Variants in RPS6KA2 observed in about 807,000 individuals in gnomAD.
The protein encoded by RPS6KA2 is ribosomal protein S6 kinase alpha-2.
A neutral mutation model predicts 91.8 loss-of-function variants in RPS6KA2; 42 were observed. That is an observed-to-expected ratio of 0.46 (90% confidence interval 0.36 to 0.59). The LOEUF (loss-of-function observed/expected upper bound fraction) is 0.59. RPS6KA2 is among the 20% of genes least tolerant of loss of function. RPS6KA2 has a pLI of 0.00. For missense variants in RPS6KA2, 798 were observed against 978.5 expected, an observed-to-expected ratio of 0.82 and a Z score of 2.46; for synonymous variants, 414 against 393.6, an observed-to-expected ratio of 1.05 and a Z score of -0.61.
intron 2 of RPS6KA2, among the ~76,000 whole-genome samples, chr6:166,714,439 G>A (rs539123931): frequency 2.7e-4 from 41 of 152,316 alleles, no homozygotes; most frequent in African/African-American, 6.3e-4. Context: ...AAAAAGATGC[G>A]TTGATGTCCT....
At position 166,437,798 on chromosome 6, in the gene RPS6KA2, G is replaced by A. The variant is rs760441429; in HGVS notation, c.1333-5308C>T. Among the ~76,000 whole-genome samples the A allele has an allele frequency of 1.1e-4, 17 of 151,978 alleles. No individual in the cohort carries two copies. The highest frequency in any genetic ancestry group is 2.6e-4 in the Admixed American group (4 of 15,264). ...GCCGAAGGCGACAACAGGAGACTTC[G>A]CTGCTCTTGATAACACCTTTCCTCC... On this transcript the variant is annotated intron_variant, in intron 14 of 20. Coordinates refer to ENST00000265678, the MANE Select transcript of RPS6KA2 (RefSeq NM_021135.6). The surrounding 1 kb of genome is among the most constrained non-coding windows in gnomAD (Gnocchi z 4.3).
intron 2 of RPS6KA2, among the ~76,000 whole-genome samples, chr6:166,762,321 G>A (rs935013002): frequency 2.0e-5 from 3 of 152,106 alleles, no homozygotes; most frequent in Admixed American, 6.5e-5. Flanking sequence ...CCTTAGCACC[G>A]TTCAAAGCAA....
At chr6:166,744,753 G>A (rs926869026) in intron 2 of RPS6KA2, among the ~76,000 whole-genome samples, 7 of 152,226 alleles carry the variant, frequency 4.6e-5, no homozygotes, top group Middle Eastern at 3.4e-3. Flanking sequence ...GATTTAAAGC[G>A]GCACTCCACG....
chr6:166,412,891 C>A lies in RPS6KA2; in HGVS notation c.2077-4G>T. 1 of 1,550,620 alleles carries A rather than the reference C, an allele frequency of 6.4e-7. No homozygotes were observed. The highest frequency in any genetic ancestry group is 8.7e-7 in the Non-Finnish European group (1 of 1,146,526). On this transcript the variant is annotated splice_region_variant and splice_polypyrimidine_tract_variant and intron_variant, in intron 20 of 20. Coordinates refer to ENST00000265678, the MANE Select transcript of RPS6KA2 (RefSeq NM_021135.6). This position sits in a 1 kb window ranked among gnomAD's most constrained non-coding sequence, Gnocchi z 4.3. ...AGTAGGTGGCGGCCATCGCGCCCTG[C>A]AAAACAGAAGACAAGGGTGAGAGCC...
intron 1 of RPS6KA2, among the ~76,000 whole-genome samples, chr6:166,564,317 C>T (rs749804716): frequency 2.0e-5 from 3 of 152,188 alleles, no homozygotes; most frequent in Non-Finnish European, 2.9e-5. Context: ...CCTCGGCCCA[C>T]CTGTTTCCAG....
At chr6:166,781,003 ACTC>A (rs1778754543) in intron 2 of RPS6KA2, among the ~76,000 whole-genome samples, 2 of 152,096 alleles carry the variant, frequency 1.3e-5, no homozygotes, top group Non-Finnish European at 2.9e-5. Flanking sequence ...TATTTTACTG[ACTC>A]CTACTAGAAG....
intron 1 of RPS6KA2, among the ~76,000 whole-genome samples, chr6:166,616,570 G>A (rs569968416): frequency 3.9e-5 from 6 of 152,346 alleles, no homozygotes; most frequent in Non-Finnish European, 2.9e-5. Flanking sequence ...AGGCTCAAGA[G>A]AGGGAGATGA....
intron 3 of RPS6KA2, among the ~76,000 whole-genome samples, chr6:166,530,860 G>A (rs933758021): frequency 6.6e-5 from 10 of 152,232 alleles, no homozygotes; most frequent in East Asian, 1.9e-4. Flanking sequence ...CATGAGTCAC[G>A]TTGTATTTAA....
intron 12 of RPS6KA2, among the ~76,000 whole-genome samples, chr6:166,451,917 G>A (rs1401436328): frequency 1.3e-5 from 2 of 151,980 alleles, no homozygotes; most frequent in Non-Finnish European, 2.9e-5. Context: ...ATCCCTCGTG[G>A]GGAAAAAAAA....
chr6:166,663,373 C>G (rs1788215856), intron 2 of RPS6KA2, among the ~76,000 whole-genome samples: 1 of 152,142 alleles, frequency 6.6e-6, no homozygotes, highest in East Asian at 1.9e-4. Flanking sequence ...TCTCATAGTG[C>G]TCTGCAGCCC....
intron 1 of RPS6KA2, among the ~76,000 whole-genome samples, chr6:166,623,935 C>T (rs114447423): frequency 1.7e-3 from 263 of 152,230 alleles, no homozygotes; most frequent in African/African-American, 6.1e-3. Flanking sequence ...ATTAAGTAAC[C>T]TGACTTCTCT....
intron 2 of RPS6KA2, among the ~76,000 whole-genome samples, chr6:166,824,817 G>GTCTA (rs1562458634): frequency 4.5e-5 from 6 of 133,588 alleles, no homozygotes; most frequent in East Asian, 2.3e-4. Flanking sequence ...ATGTGTGTCT[G>GTCTA]TGTGTGTCTG....
Position 166,812,072 on chromosome 6 carries a change from G to T in RPS6KA2, c.123+46128C>A, listed in dbSNP as rs115864865. ...GGAAAACGAGTGGATGAAAGCAAGC[G>T]GGTCGGTTGTGGTGGCTCAAGCCTG... On this transcript the variant is annotated intron_variant, in intron 2 of 21. Coordinates refer to the RPS6KA2 transcript ENST00000503859. 2.6e-3 allele frequency among the ~76,000 whole-genome samples: 395 copies of T among 152,268 alleles called. 4 individuals carry two copies. Among genetic ancestry groups the T allele is most frequent in the African/African-American group, 9.2e-3 (383 of 41,558 alleles).
intron 2 of RPS6KA2, among the ~76,000 whole-genome samples, chr6:166,787,772 T>A (rs1399141045): frequency 6.6e-6 from 1 of 151,932 alleles, no homozygotes; most frequent in African/African-American, 2.4e-5. Context: ...GCGCAAAAAC[T>A]TCATGACTAA....
At chr6:166,728,817 G>A (rs7767259) in intron 2 of RPS6KA2, among the ~76,000 whole-genome samples, 16,518 of 152,176 alleles carry the variant, frequency 0.11, 2,989 homozygotes, top group African/African-American at 0.37. Flanking sequence ...TCGGGCACCC[G>A]CCAGGCAGGT....
In RPS6KA2 at chr6:166,612,795, A is replaced by C. The variant is rs1786233678; in HGVS notation, c.99+14126T>G. On this transcript the variant is annotated intron_variant, in intron 1 of 20. Coordinates refer to ENST00000265678, the MANE Select transcript of RPS6KA2 (RefSeq NM_021135.6). This position sits in a 1 kb window ranked among gnomAD's most constrained non-coding sequence, Gnocchi z 4.3. ...GTGGCCACTGCCAAATTTACTCCAC[A>C]TCAGCCTCTCTCTCTCCATGCCCTT... Among the ~76,000 whole-genome samples the C allele has an allele frequency of 6.6e-6, 1 of 152,094 alleles. No individual in the cohort carries two copies.
rs754851835 is a variant in RPS6KA2 at position 166,419,726 on chromosome 6, C to T, written c.1820+156G>A. Among the ~76,000 whole-genome samples, 16 of 152,224 alleles carry T rather than the reference C, an allele frequency of 1.1e-4. No individual in the cohort carries two copies. The highest frequency in any genetic ancestry group is 1.9e-4 in the Non-Finnish European group (13 of 68,042). ...TGTCCTGAGGGGCTAAGAAAGTCTGCGAGTGTTCACTCAAGGCCTGGGAGT... is the reference window on the plus strand; with the variant it reads ...TGTCCTGAGGGGCTAAGAAAGTCTGTGAGTGTTCACTCAAGGCCTGGGAGT... On this transcript the variant is annotated intron_variant, in intron 18 of 20. Transcript: ENST00000265678. This position sits in a 1 kb window ranked among gnomAD's most constrained non-coding sequence, Gnocchi z 5.6.
At chr6:166,660,958 A>T (rs1037207980) in intron 2 of RPS6KA2, among the ~76,000 whole-genome samples, 1 of 152,172 alleles carries the variant, frequency 6.6e-6, no homozygotes, top group Non-Finnish European at 1.5e-5. Context: ...AGTCATAAAA[A>T]TTTTGAGGTT....
intron 2 of RPS6KA2, among the ~76,000 whole-genome samples, chr6:166,801,795 A>G (rs550741159): frequency 1.3e-5 from 2 of 152,354 alleles, no homozygotes; most frequent in East Asian, 3.9e-4. Context: ...GCAAAACTTC[A>G]TATTTTGAGA....
Sources: allele counts gnomAD v4.1 joint callset (sites outside exome capture counted in the v4.1 genomes callset), GRCh38; gene constraint gnomAD v4.1.1; non-coding constraint Gnocchi (gnomAD v3.1); transcripts MANE v1.5; gene names NCBI Gene and HGNC (gene_info 2026-07-23, HGNC 2026-07-21).